The following DHX34 variants were observed in gnomAD, a reference collection of about 807,000 sequenced individuals.
DHX34 encodes DExH-box helicase 34.
In DHX34, 96 loss-of-function variants were observed where a neutral mutation model predicts 111.1. That is an observed-to-expected ratio of 0.86 (90% CI 0.73 to 1.02). The LOEUF (loss-of-function observed/expected upper bound fraction) is 1.02. DHX34 is among the 50% of genes least tolerant of loss of function. The pLI, the probability that DHX34 is intolerant of heterozygous loss-of-function variation, is 0.00. For missense variants in DHX34, 1,560 were observed against 1,579.9 expected (o/e 0.99, Z 0.21); for synonymous variants, 688 against 670.4 (o/e 1.03, Z -0.41).
At chr19:47,379,255 G>A (rs918944986) in intron 13 of DHX34, among the ~76,000 whole-genome samples, 1 of 152,080 alleles carries the variant, frequency 6.6e-6, no homozygotes, top group South Asian at 2.1e-4. Flanking sequence ...AACCATCCAC[G>A]CATGGCCAGT....
chr19:47,350,281 T>G (rs910177053), intron 1 of DHX34, among the ~76,000 whole-genome samples: 6 of 152,122 alleles, frequency 3.9e-5, no homozygotes, highest in African/African-American at 1.4e-4. Flanking sequence ...CTCACTCCTG[T>G]CATCCACAGC....
intron 7 of DHX34, among the ~76,000 whole-genome samples, chr19:47,370,538 G>T (rs1969932595): frequency 6.6e-6 from 1 of 152,202 alleles, no homozygotes; most frequent in Non-Finnish European, 1.5e-5. Context: ...ACCATGGCAG[G>T]ACCACCCATG....
At chr19:47,381,027 T>TTCA (rs1455194018) in intron 15 of DHX34, 35 bp downstream of exon 15, 2 of 1,542,878 alleles carry the variant, frequency 1.3e-6, no homozygotes, top group Non-Finnish European at 1.7e-6. Context: ...AAGGTGGGAT[T>TTCA]TCAGGAAGAC....
chr19:47,371,871 A>G (rs1204216559), intron 7 of DHX34, among the ~76,000 whole-genome samples: 2 of 151,898 alleles, frequency 1.3e-5, no homozygotes, highest in African/African-American at 2.4e-5. Flanking sequence ...GACAGGCACT[A>G]TGGAAAGTCA....
chr19:47,356,633 AAAAAAAAAG>A (rs1367308653), intron 3 of DHX34, among the ~76,000 whole-genome samples: 4 of 151,700 alleles, frequency 2.6e-5, no homozygotes, highest in Admixed American at 6.6e-5. Flanking sequence ...ATCTCAAAAA[AAAAAAAAAG>A]AAAGAAAAGA....
At position 47,382,022 on chromosome 19, in the gene DHX34, T is replaced by C; in HGVS notation, c.3341T>C (p.Val1114Ala). 1 of 1,614,094 alleles carries C rather than the reference T, an allele frequency of 6.2e-7. No homozygotes were observed. The highest frequency in any genetic ancestry group is 1.1e-5 in the South Asian group (1 of 91,080). ...AALETLQKTS[V>A]LQRPYHCEAC... Reference sequence around the variant, plus strand: ...CTCGAAACCCTCCAGAAGACATCTGTCCTGCAGAGGCCCTACCACTGCGAG... The same window carrying C: ...CTCGAAACCCTCCAGAAGACATCTGCCCTGCAGAGGCCCTACCACTGCGAG... Residue 1114 changes from valine (V) to alanine (A), a missense_variant, in exon 17 of 17, where the codon GTC (valine) becomes GCC (alanine). By Grantham distance (64) the Val-to-Ala change is moderately conservative. Coordinates refer to ENST00000328771, the MANE Select transcript of DHX34 (RefSeq NM_014681.6).
intron 12 of DHX34, 99 bp from the exon 13 acceptor site, chr19:47,377,001 C>T (rs1380196567): frequency 6.3e-7 from 1 of 1,588,094 alleles, no homozygotes; most frequent in East Asian, 2.3e-5. Context: ...TAAGCATACT[C>T]TTTCTATCGA....
intron 16 of DHX34, 152 bp downstream of exon 16, chr19:47,381,476 C>T (rs148573929): frequency 8.4e-7 from 1 of 1,186,942 alleles, no homozygotes; most frequent in African/African-American, 1.5e-5. Context: ...AGGCCTTGTC[C>T]TGAAGATCAG....
At position 47,370,818 on chromosome 19, in the gene DHX34, A is replaced by C. The variant is rs148278280; in HGVS notation, c.1769-1912A>C. On this transcript the variant is annotated intron_variant, in intron 7 of 16. Transcript: ENST00000328771. ...CAGCCTCCTGAGTAGCTGGGATTAT[A>C]GGCATGTGCCACCACACTCAGTTTT... Among the ~76,000 whole-genome samples the C allele has an allele frequency of 3.2e-3, 490 of 152,320 alleles. 3 individuals carry two copies. Among genetic ancestry groups the C allele is most frequent in the African/African-American group, 0.011 (466 of 41,562 alleles).
intron 16 of DHX34, 84 bp from the exon 17 acceptor site, chr19:47,381,896 C>G (rs1265089775): frequency 6.3e-7 from 1 of 1,592,048 alleles, no homozygotes; most frequent in Non-Finnish European, 8.5e-7. Context: ...AGAACCTGAG[C>G]CCCACAGGTG....
intron 10 of DHX34, 68 bp downstream of exon 10, chr19:47,375,776 C>T: frequency 6.4e-7 from 1 of 1,561,494 alleles, no homozygotes; most frequent in Non-Finnish European, 8.6e-7. Flanking sequence ...TGGGGGGGTC[C>T]CAGGGGACAT....
chr19:47,350,280 G>A (rs1179487297), intron 1 of DHX34, among the ~76,000 whole-genome samples: 1 of 152,102 alleles, frequency 6.6e-6, no homozygotes, highest in Admixed American at 6.6e-5. Context: ...ACTCACTCCT[G>A]TCATCCACAG....
In DHX34 at chr19:47,362,429, A is replaced by G. The variant is rs371265202; in HGVS notation, c.1376-47A>G. On this transcript the variant is annotated intron_variant, in intron 5 of 16. Transcript: ENST00000328771. ...AAGAGCCAGGCGCGTGGCCAGCTGCACGTGGCTGCCACACACAGACTCCCT... is the reference window on the plus strand; with the variant it reads ...AAGAGCCAGGCGCGTGGCCAGCTGCGCGTGGCTGCCACACACAGACTCCCT... The G allele has an allele frequency of 4.8e-6, 7 of 1,470,680 alleles. No individual in the cohort carries two copies. The African/African-American group carries it at 5.7e-5, about 12-fold the overall frequency. 91.1% of individuals were successfully genotyped at this position (1,470,680 alleles called of 1,614,324 possible). A position where few individuals can be genotyped will look rare whatever the true frequency, so the allele number is the denominator to read the frequency against.
At chr19:47,374,514 C>G (rs1009750472) in intron 9 of DHX34, among the ~76,000 whole-genome samples, 1 of 151,880 alleles carries the variant, frequency 6.6e-6, no homozygotes, top group Non-Finnish European at 1.5e-5. Flanking sequence ...ATACTGTTCT[C>G]CATCTGAGTG....
intron 8 of DHX34, 74 bp downstream of exon 8, chr19:47,372,997 C>T: frequency 6.8e-7 from 1 of 1,471,390 alleles, no homozygotes; most frequent in Non-Finnish European, 9.0e-7. Context: ...GTGGCTCCTC[C>T]TCGTGTCCCA....
In DHX34 at chr19:47,381,286, A is replaced by G. The variant is rs201994922; in HGVS notation, c.3260A>G (p.Glu1087Gly). 76 of 1,613,768 alleles carry G rather than the reference A, an allele frequency of 4.7e-5. No homozygotes were observed. The highest frequency in any genetic ancestry group is 6.4e-5 in the Non-Finnish European group (76 of 1,179,916). Residue 1087 changes from glutamate to glycine, a missense_variant, in exon 16 of 17, where the codon GAG becomes GGG. Physicochemically the swap from Glu to Gly is moderately conservative, Grantham distance 98. Coordinates refer to ENST00000328771, the MANE Select transcript of DHX34 (RefSeq NM_014681.6). ...ACGCCCCTGGAGCGCATCGCCCATG[A>G]GAACACCTGCCCCCAGGCCCCACAG... is the stretch of plus-strand genomic sequence containing the variant. The part of the protein sequence containing the change: ...PLTPLERIAH[E>G]NTCPQAPQDG...
In DHX34 at chr19:47,380,936, C is replaced by A. The variant is rs143349618; in HGVS notation, c.3103C>A (p.His1035Asn). Reference protein sequence around the residue: ...GLFGSSTLSPHPTKGGYAVTD... With the variant: ...GLFGSSTLSPNPTKGGYAVTD... ...CTTTGGCAGCTCCACCCTGTCCCCCCACCCCACAAAGGGGGGCTACGCAGT... is the reference window on the plus strand; with the variant it reads ...CTTTGGCAGCTCCACCCTGTCCCCCAACCCCACAAAGGGGGGCTACGCAGT... Residue 1035 changes from histidine to asparagine, a missense_variant, in exon 15 of 17, where the codon CAC becomes AAC. Coordinates refer to ENST00000328771, the MANE Select transcript of DHX34 (RefSeq NM_014681.6). 9.3e-6 allele frequency: 15 copies of A among 1,608,106 alleles called. No homozygotes were observed. In the Admixed American group the frequency reaches 1.9e-4, roughly 20 times the overall value.
Position 47,362,527 on chromosome 19 carries a change from A to G in DHX34, c.1427A>G (p.Gln476Arg). 1.2e-6 allele frequency: 2 copies of G among 1,606,648 alleles called. No individual in the cohort carries two copies. The highest frequency in any genetic ancestry group is 1.7e-6 in the Non-Finnish European group (2 of 1,175,914). The part of the protein sequence containing the change: ...YDPQAKLQRL[Q>R]EFWISQASAE... ...CCGCAGGCCAAGCTGCAACGGCTGC[A>G]GGAGTTCTGGATTAGTCAGGCCAGC... Residue 476 changes from glutamine to arginine, a missense_variant, in exon 6 of 17, where the codon CAG (glutamine) becomes CGG (arginine). Gln to Arg is a conservative substitution (Grantham distance 43). Transcript: ENST00000328771.
chr19:47,380,551 A>G, intron 14 of DHX34: 1 of 889,158 alleles, frequency 1.1e-6, no homozygotes, highest in Non-Finnish European at 1.3e-6. Flanking sequence ...CTTGAAGGTT[A>G]GACTCAAGGT....
Sources: gnomAD v4.1 joint callset for allele counts (sites outside exome capture counted in the v4.1 genomes callset) on GRCh38, gnomAD v4.1.1 for gene constraint, MANE v1.5 for transcripts, NCBI Gene and HGNC (gene_info 2026-07-23, HGNC 2026-07-21) for gene names.